The following PSMG2 variants were observed in gnomAD, a reference collection of about 807,000 sequenced individuals.
PSMG2 encodes the protein proteasome assembly chaperone 2, also known as CD40 ligand-activated specific transcript 3.
A neutral mutation model predicts 31.5 loss-of-function variants in PSMG2; 21 were observed. That is an observed-to-expected ratio of 0.67 (90% CI 0.47 to 0.96). PSMG2 has a LOEUF of 0.96. PSMG2 is among the 40% of genes least tolerant of loss of function. The pLI, the probability that PSMG2 is intolerant of heterozygous loss-of-function variation, is 0.00. For missense variants in PSMG2, 318 were observed against 321.2 expected (o/e 0.99, Z 0.08); for synonymous variants, 120 against 110.4 (o/e 1.09, Z -0.54).
At chr18:12,692,886 G>A (rs2039818510) in intron 1 of PSMG2, among the ~76,000 whole-genome samples, 1 of 152,194 alleles carries the variant, frequency 6.6e-6, no homozygotes, top group Admixed American at 6.5e-5. Context: ...GCTACTGCAT[G>A]ATCATGGCTC....
chr18:12,680,651 A>T, intron 1 of PSMG2: 1 of 1,548,802 alleles, frequency 6.5e-7, no homozygotes, highest in Non-Finnish European at 8.8e-7. Flanking sequence ...TTATAAACTT[A>T]GTAAACTAAC....
At chr18:12,720,430 T>C (rs1352713284) in intron 4 of PSMG2, 80 bp from the exon 5 acceptor site, 16 of 1,211,520 alleles carry the variant, frequency 1.3e-5, no homozygotes, top group Non-Finnish European at 1.8e-5. Context: ...GCAGAATATA[T>C]GGAGACCAAG....
chr18:12,695,342 G>C (rs1248866127), intron 1 of PSMG2: 1 of 1,488,622 alleles, frequency 6.7e-7, no homozygotes, highest in African/African-American at 1.4e-5. Context: ...AGAAACTTTT[G>C]ATTCTGTGCC....
chr18:12,694,708 CT>C (rs1397325257), intron 1 of PSMG2, among the ~76,000 whole-genome samples: 1,511 of 144,162 alleles, frequency 0.01, 31 homozygotes, highest in African/African-American at 0.031. Context: ...TCCTGTAATT[CT>C]TTTTTTTTTT....
At chr18:12,662,576 G>A (rs1159283118) in intron 1 of PSMG2, among the ~76,000 whole-genome samples, 2 of 152,278 alleles carry the variant, frequency 1.3e-5, no homozygotes, top group East Asian at 3.9e-4. Context: ...ACAAGTTTGA[G>A]ACCAGCCTGG....
chr18:12,725,427 C>CT lies in PSMG2; in HGVS notation c.703-10dup. ...AGTTTAAAGATTAAAATATTTTGTT[C>CT]TTCAATTACAGAGCGATGACCCCAC... On this transcript the variant is annotated splice_polypyrimidine_tract_variant and intron_variant, in intron 6 of 6. Transcript: ENST00000317615. 6.5e-7 allele frequency: 1 copy of CT among 1,537,896 alleles called. No homozygotes were observed. Among genetic ancestry groups the CT allele is most frequent in the Admixed American group, 1.8e-5 (1 of 55,620 alleles).
intron 1 of PSMG2, among the ~76,000 whole-genome samples, chr18:12,668,734 CTTTTTTT>C (rs543253434): frequency 2.0e-4 from 19 of 96,736 alleles, no homozygotes; most frequent in Admixed American, 2.6e-4. Flanking sequence ...CACTTTATTC[CTTTTTTT>C]TTTTTTTTTT....
intron 1 of PSMG2, among the ~76,000 whole-genome samples, chr18:12,676,031 T>A (rs2039117858): frequency 6.6e-6 from 1 of 152,124 alleles, no homozygotes; most frequent in African/African-American, 2.4e-5. Flanking sequence ...TTAAAAATAA[T>A]AATATTACAA....
chr18:12,701,059 A>G, upstream of PSMG2: 9 of 1,613,822 alleles, frequency 5.6e-6, no homozygotes, highest in Middle Eastern at 1.7e-4. Context: ...TCAGGTGCCA[A>G]TTCTTCCCGT....
chr18:12,703,099 A>G lies in PSMG2; in HGVS notation c.-9A>G, dbSNP rs1436178296. 4 of 1,611,644 alleles carry G rather than the reference A, an allele frequency of 2.5e-6. No homozygotes were observed. Among genetic ancestry groups the G allele is most frequent in the East Asian group, 2.2e-5 (1 of 44,784 alleles). On this transcript the variant is annotated 5_prime_UTR_variant, in exon 1 of 7. Coordinates refer to ENST00000317615, the MANE Select transcript of PSMG2 (RefSeq NM_020232.5). ...GCGGTTAGTCCCTGCTGGCCACCCCACTGCGACCATGTTCGTTCCCTGCGG... is the reference window on the plus strand; with the variant it reads ...GCGGTTAGTCCCTGCTGGCCACCCCGCTGCGACCATGTTCGTTCCCTGCGG...
intron 1 of PSMG2, chr18:12,662,284 C>A: frequency 2.6e-6 from 1 of 386,708 alleles, no homozygotes; most frequent in South Asian, 1.9e-5. Context: ...GCTATTTATA[C>A]TTTCAAAATG....
chr18:12,686,415 A>G (rs2039541807), intron 1 of PSMG2: 1 of 1,614,050 alleles, frequency 6.2e-7, no homozygotes, highest in Non-Finnish European at 8.5e-7. Flanking sequence ...GTGGTTTAAC[A>G]TAGGAACAGA....
At chr18:12,672,421 A>G (rs1008318244) in intron 1 of PSMG2, among the ~76,000 whole-genome samples, 1 of 152,180 alleles carries the variant, frequency 6.6e-6, no homozygotes, top group Non-Finnish European at 1.5e-5. Flanking sequence ...GAGCCTTACA[A>G]AATTTTTAAA....
At chr18:12,673,043 C>T (rs989212461) in intron 1 of PSMG2, 1 of 1,018,900 alleles carries the variant, frequency 9.8e-7, no homozygotes, top group Non-Finnish European at 1.2e-6. Context: ...CTTTGATTAC[C>T]TGTTTGTGTA....
chr18:12,724,610 C>A lies in PSMG2; in HGVS notation c.693C>A (p.Leu231=). Residue 231 remains leucine, a synonymous_variant, in exon 6 of 7, where the codon CTC becomes CTA. Coordinates refer to ENST00000317615, the MANE Select transcript of PSMG2 (RefSeq NM_020232.5). The stretch of plus-strand genomic sequence containing the variant: ...ATCTTAATGAGTGGCTTCAGATACT[C>A]AAACCACTTGTAAGTTCTATTATAG... ...VEYLNEWLQI[L]KPLSDDPTVS... is the part of the protein sequence containing the mutation. 6.2e-7 allele frequency: 1 copy of A among 1,600,414 alleles called. No homozygotes were observed. The highest frequency in any genetic ancestry group is 1.1e-5 in the South Asian group (1 of 88,254).
intron 1 of PSMG2, among the ~76,000 whole-genome samples, chr18:12,697,946 C>T (rs2040012727): frequency 6.6e-6 from 1 of 152,014 alleles, no homozygotes; most frequent in South Asian, 2.1e-4. Context: ...CATTCTGAAA[C>T]TTTGCTTAGT....
intron 4 of PSMG2, among the ~76,000 whole-genome samples, chr18:12,719,678 TGCCC>T (rs945440883): frequency 6.8e-6 from 1 of 147,986 alleles, no homozygotes; most frequent in Non-Finnish European, 1.5e-5. Context: ...TGAGTCACTG[TGCCC>T]GTCCCCAGGA....
At chr18:12,711,579 G>A (rs1212930188) in intron 2 of PSMG2, among the ~76,000 whole-genome samples, 1 of 151,904 alleles carries the variant, frequency 6.6e-6, no homozygotes, top group Admixed American at 6.6e-5. Context: ...ACCACATCAC[G>A]CCAGCCATAG....
At chr18:12,720,081 CTG>C (rs2040416472) in intron 4 of PSMG2, among the ~76,000 whole-genome samples, 1 of 152,092 alleles carries the variant, frequency 6.6e-6, no homozygotes, top group Non-Finnish European at 1.5e-5. Context: ...GAGTCTCACT[CTG>C]TCACCCAGGC....
Sources: allele counts gnomAD v4.1 joint callset (sites outside exome capture counted in the v4.1 genomes callset), GRCh38; gene constraint gnomAD v4.1.1; transcripts MANE v1.5; gene names NCBI Gene and HGNC (gene_info 2026-07-23, HGNC 2026-07-21).